Variants in CLSTN2 observed in about 807,000 individuals in gnomAD.
The protein encoded by CLSTN2 is calsyntenin 2.
A neutral mutation model predicts 101.2 loss-of-function variants in CLSTN2; 48 were observed. The ratio of observed to expected loss-of-function variants is 0.47; its 90% CI spans 0.38 to 0.60. The LOEUF (loss-of-function observed/expected upper bound fraction) is 0.60. Ranked by LOEUF, CLSTN2 falls within the 20% of genes least tolerant of loss-of-function variation. The pLI is 0.00. For synonymous variants in CLSTN2, 481 were observed against 463.6 expected (o/e 1.04, Z -0.48); for missense variants, 1,160 against 1,238.2 (o/e 0.94, Z 0.95).
At chr3:139,962,980 A>T (rs1252197573) in intron 1 of CLSTN2, among the ~76,000 whole-genome samples, 1 of 152,046 alleles carries the variant, frequency 6.6e-6, no homozygotes, top group Non-Finnish European at 1.5e-5. Flanking sequence ...ACTGGTGATT[A>T]TCTCTTAGGA....
At chr3:140,533,499 G>A (rs538307672) in intron 9 of CLSTN2, among the ~76,000 whole-genome samples, 21 of 152,082 alleles carry the variant, frequency 1.4e-4, no homozygotes, top group Non-Finnish European at 1.8e-4. Context: ...CACGAGGTCA[G>A]GAGATCGAGA....
chr3:140,310,728 TCATTC>T (rs1435189902), intron 2 of CLSTN2, among the ~76,000 whole-genome samples: 2 of 152,210 alleles, frequency 1.3e-5, no homozygotes, highest in Admixed American at 1.3e-4. Flanking sequence ...CTATTCTATT[TCATTC>T]CATTCAAGAT....
At chr3:139,976,974 C>T (rs923853974) in intron 1 of CLSTN2, among the ~76,000 whole-genome samples, 5 of 152,204 alleles carry the variant, frequency 3.3e-5, no homozygotes, top group Non-Finnish European at 7.3e-5. Context: ...TCTGCCTCCT[C>T]TTCCTGCTCC....
At chr3:140,121,165 A>G (rs1247615150) in intron 1 of CLSTN2, among the ~76,000 whole-genome samples, 1 of 152,196 alleles carries the variant, frequency 6.6e-6, no homozygotes, top group Admixed American at 6.5e-5. Context: ...AGAAATGACA[A>G]GAGGATGATG....
At chr3:140,269,606 C>T (rs2086723338) in intron 2 of CLSTN2, among the ~76,000 whole-genome samples, 1 of 152,200 alleles carries the variant, frequency 6.6e-6, no homozygotes, top group African/African-American at 2.4e-5. Context: ...ACAGCCCCTT[C>T]TGGAAAGAAA....
intron 2 of CLSTN2, among the ~76,000 whole-genome samples, chr3:140,287,692 G>T (rs1346629507): frequency 2.0e-5 from 3 of 152,122 alleles, no homozygotes; most frequent in African/African-American, 7.2e-5. Context: ...CTCTAAAACA[G>T]CCTAGTGATG....
chr3:140,257,233 C>T (rs2086611538), intron 2 of CLSTN2, among the ~76,000 whole-genome samples: 1 of 152,110 alleles, frequency 6.6e-6, no homozygotes, highest in Non-Finnish European at 1.5e-5. Flanking sequence ...GTGCATGCTA[C>T]ATGTGGAAAA....
chr3:140,178,286 C>A (rs1362642002), intron 2 of CLSTN2, among the ~76,000 whole-genome samples: 5 of 151,982 alleles, frequency 3.3e-5, no homozygotes, highest in Admixed American at 3.3e-4. Context: ...TTTGGACTTA[C>A]AAAAGGTTAT....
At chr3:140,526,669 T>A (rs1307861434) in intron 8 of CLSTN2, among the ~76,000 whole-genome samples, 1 of 149,094 alleles carries the variant, frequency 6.7e-6, no homozygotes. Flanking sequence ...GGCATCACAT[T>A]ACTCGACTTC....
chr3:140,193,410 A>C (rs1576462413), intron 2 of CLSTN2, among the ~76,000 whole-genome samples: 1 of 151,606 alleles, frequency 6.6e-6, no homozygotes, highest in East Asian at 1.9e-4. Context: ...CTTTTGCTGG[A>C]TATAGGATTC....
At chr3:140,017,607 T>A (rs1429577516) in intron 1 of CLSTN2, among the ~76,000 whole-genome samples, 3 of 152,290 alleles carry the variant, frequency 2.0e-5, no homozygotes, top group African/African-American at 7.2e-5. Context: ...GGAACACAAC[T>A]AGGCTCAAGG....
intron 2 of CLSTN2, among the ~76,000 whole-genome samples, chr3:140,311,287 C>CT (rs750088450): frequency 0.013 from 676 of 52,066 alleles, 192 homozygotes; most frequent in East Asian, 0.027. Context: ...GTTTATTATC[C>CT]TTTTTTTTTT....
intron 8 of CLSTN2, among the ~76,000 whole-genome samples, chr3:140,500,066 CAA>C (rs147385527): frequency 1.2e-4 from 16 of 128,294 alleles, no homozygotes; most frequent in East Asian, 2.2e-4. Context: ...GACTCCGTCT[CAA>C]AAAAAAAAAA....
At chr3:140,024,348 T>G (rs902110543) in intron 1 of CLSTN2, among the ~76,000 whole-genome samples, 3 of 152,222 alleles carry the variant, frequency 2.0e-5, no homozygotes, top group African/African-American at 7.2e-5. Context: ...CTCACACATG[T>G]GGGCGGCCTG....
At chr3:140,009,023 A>T (rs1042648175) in intron 1 of CLSTN2, among the ~76,000 whole-genome samples, 1 of 152,220 alleles carries the variant, frequency 6.6e-6, no homozygotes, top group Non-Finnish European at 1.5e-5. Context: ...TTATTTTTGC[A>T]TCAATGTAAA....
At chr3:140,128,024 C>A (rs564827474) in intron 1 of CLSTN2, among the ~76,000 whole-genome samples, 42 of 152,244 alleles carry the variant, frequency 2.8e-4, no homozygotes, top group Non-Finnish European at 5.6e-4. Context: ...TGATAGGATT[C>A]TTTGTTCTAA....
chr3:140,008,382 G>T (rs1258854901), intron 1 of CLSTN2, among the ~76,000 whole-genome samples: 1 of 152,224 alleles, frequency 6.6e-6, no homozygotes, highest in East Asian at 1.9e-4. Flanking sequence ...CTCTGCTCCT[G>T]CAGCCTGCCT....
At chr3:140,522,887 C>CTAT (rs72395358) in intron 8 of CLSTN2, among the ~76,000 whole-genome samples, 1 of 152,020 alleles carries the variant, frequency 6.6e-6, no homozygotes, top group Non-Finnish European at 1.5e-5. Flanking sequence ...GCTGTGTTTG[C>CTAT]TATTATTTCT....
intron 1 of CLSTN2, among the ~76,000 whole-genome samples, chr3:139,947,081 C>T (rs925252594): frequency 9.9e-5 from 15 of 152,240 alleles, no homozygotes; most frequent in African/African-American, 3.4e-4. Flanking sequence ...ACAAACCAGT[C>T]TTCTTTGAAA....
Sources: gnomAD v4.1 joint callset for allele counts (sites outside exome capture counted in the v4.1 genomes callset) on GRCh38, gnomAD v4.1.1 for gene constraint, MANE v1.5 for transcripts, NCBI Gene and HGNC (gene_info 2026-07-23, HGNC 2026-07-21) for gene names.